MGAT4C: variants seen among roughly 807,000 people sequenced by gnomAD.
MGAT4C encodes the protein MGAT4 family member C.
In MGAT4C, 19 loss-of-function variants were observed where a neutral mutation model predicts 40.1. The ratio of observed to expected loss-of-function variants is 0.47; its 90% CI spans 0.33 to 0.70. MGAT4C has a LOEUF of 0.70. Among genes scored for constraint, MGAT4C ranks in the 30% least tolerant of loss-of-function variants. MGAT4C has a pLI of 0.02. For synonymous variants in MGAT4C, 181 were observed against 187.1 expected (o/e 0.97, Z 0.27); for missense variants, 491 against 563.2 (o/e 0.87, Z 1.30).
Position 86,443,807 on chromosome 12 carries a change from G to A in MGAT4C, c.-228-8542C>T, listed in dbSNP as rs576577887. Among the ~76,000 whole-genome samples the A allele has an allele frequency of 7.9e-5, 12 of 152,106 alleles. No homozygotes were observed. The East Asian group carries it at 1.2e-3, about 15-fold the overall frequency. On this transcript the variant is annotated intron_variant, in intron 2 of 7. Transcript: ENST00000548651. ...GACAGGGTTTCGCCTTGTTAGCCAG[G>A]ATGGTCTCAATCTCCTGACCTCGTG...
chr12:86,036,120 A>G (rs1188030336), intron 2 of MGAT4C, among the ~76,000 whole-genome samples: 1 of 149,904 alleles, frequency 6.7e-6, no homozygotes, highest in Non-Finnish European at 1.5e-5. Context: ...ATGAAAGTCA[A>G]TGGTCGCTTG....
intron 1 of MGAT4C, among the ~76,000 whole-genome samples, chr12:86,729,262 C>A (rs192486584): frequency 5.9e-5 from 9 of 152,144 alleles, no homozygotes; most frequent in Admixed American, 3.3e-4. Flanking sequence ...GTGATGGATA[C>A]CCCAGTTACC....
rs1254431762 is a variant in MGAT4C at position 86,091,752 on chromosome 12, A to G, written c.-56-42029T>C. ...TTGATACAAAGGTATGTTTCTGTAT[A>G]TCTCTTAACTCGATGGAGAGCCCTT... On this transcript the variant is annotated intron_variant, in intron 1 of 4. Transcript: ENST00000611864. Among the ~76,000 whole-genome samples the G allele has an allele frequency of 3.3e-5, 5 of 152,238 alleles. No homozygotes were observed. The East Asian group carries it at 9.6e-4, about 29-fold the overall frequency.
At chr12:86,595,039 T>A (rs1331181486) in intron 2 of MGAT4C, among the ~76,000 whole-genome samples, 1 of 152,144 alleles carries the variant, frequency 6.6e-6, no homozygotes, top group Non-Finnish European at 1.5e-5. Flanking sequence ...TTTAGTACAT[T>A]CTATTCCAGT....
intron 2 of MGAT4C, among the ~76,000 whole-genome samples, chr12:86,541,859 C>G (rs1959169441): frequency 1.3e-5 from 2 of 152,102 alleles, no homozygotes; most frequent in African/African-American, 4.8e-5. Flanking sequence ...TACAGGCATG[C>G]CAAATAAATT....
At position 85,979,443 on chromosome 12, in the gene MGAT4C, G is replaced by A; in HGVS notation, c.1283C>T (p.Thr428Ile). The A allele has an allele frequency of 6.2e-7, 1 of 1,613,274 alleles. No homozygotes were observed. Among genetic ancestry groups the A allele is most frequent in the Non-Finnish European group, 8.5e-7 (1 of 1,179,506 alleles). ...TTTGAATTCTCCTAGTCTTAAGTAA[G>A]TAGAACATTGTCTCCTTTGTTTGCT... ...MPSKQRRQCS[T>I]YLRLGEFKNG... is the part of the protein sequence containing the mutation. Residue 428 changes from threonine (T) to isoleucine (I), a missense_variant, in exon 5 of 5, where the codon ACT becomes ATT. By Grantham distance (89) the Thr-to-Ile change is moderately conservative. Transcript: ENST00000611864.
chr12:86,606,571 T>C (rs1210481776), intron 2 of MGAT4C, among the ~76,000 whole-genome samples: 1 of 152,150 alleles, frequency 6.6e-6, no homozygotes, highest in Non-Finnish European at 1.5e-5. Flanking sequence ...AATAAGCAGC[T>C]TGCTCTCCTG....
intron 2 of MGAT4C, among the ~76,000 whole-genome samples, chr12:86,587,352 G>T (rs543389243): frequency 6.6e-6 from 1 of 152,048 alleles, no homozygotes; most frequent in African/African-American, 2.4e-5. Context: ...TTTGGTTACT[G>T]TAGCCTTGTA....
intron 2 of MGAT4C, among the ~76,000 whole-genome samples, chr12:86,014,993 T>G (rs1259553069): frequency 2.7e-5 from 4 of 148,572 alleles, no homozygotes; most frequent in Non-Finnish European, 6.0e-5. Context: ...TTTTTTTTTT[T>G]GGAGAGGTGG....
At chr12:86,698,482 A>G (rs1950299570) in intron 2 of MGAT4C, among the ~76,000 whole-genome samples, 1 of 152,132 alleles carries the variant, frequency 6.6e-6, no homozygotes, top group South Asian at 2.1e-4. Flanking sequence ...GCTGTCTTAC[A>G]TCTCTAATGT....
At chr12:86,237,889 C>T (rs751148271) in intron 1 of MGAT4C, among the ~76,000 whole-genome samples, 3 of 151,854 alleles carry the variant, frequency 2.0e-5, no homozygotes, top group African/African-American at 4.8e-5. Context: ...AAATTTTCTT[C>T]GTTCATAATC....
intron 2 of MGAT4C, among the ~76,000 whole-genome samples, chr12:86,459,752 G>C (rs1471696686): frequency 7.4e-6 from 1 of 135,138 alleles, no homozygotes; most frequent in East Asian, 2.2e-4. Context: ...TCCTGGATCT[G>C]AGCAACTTGA....
chr12:86,716,305 G>A (rs541095577), intron 2 of MGAT4C, among the ~76,000 whole-genome samples: 1 of 152,094 alleles, frequency 6.6e-6, no homozygotes, highest in Non-Finnish European at 1.5e-5. Flanking sequence ...AACCATTTTG[G>A]TGGACAACAG....
chr12:86,224,658 G>A (rs1324046186), intron 1 of MGAT4C, among the ~76,000 whole-genome samples: 2 of 152,132 alleles, frequency 1.3e-5, no homozygotes, highest in African/African-American at 4.8e-5. Context: ...ACTTTGGAAA[G>A]TATACAAATA....
chr12:86,457,531 G>T (rs1345471352), intron 2 of MGAT4C, among the ~76,000 whole-genome samples: 2 of 152,026 alleles, frequency 1.3e-5, no homozygotes, highest in African/African-American at 2.4e-5. Context: ...GTTTACTGTT[G>T]TCTCTTTGCT....
intron 4 of MGAT4C, among the ~76,000 whole-genome samples, chr12:86,316,080 A>C (rs1954215953): frequency 1.2e-4 from 1 of 8,188 alleles, no homozygotes; most frequent in African/African-American, 7.7e-4. Flanking sequence ...TACAAGCAGC[A>C]AAAAAAAAAA....
intron 4 of MGAT4C, among the ~76,000 whole-genome samples, chr12:86,313,685 G>T (rs1954132395): frequency 6.6e-6 from 1 of 152,122 alleles, no homozygotes; most frequent in Non-Finnish European, 1.5e-5. Flanking sequence ...CTGTGACTAG[G>T]TTAACTAAAT....
chr12:86,747,180 G>A (rs1039683800), intron 1 of MGAT4C, among the ~76,000 whole-genome samples: 8 of 151,604 alleles, frequency 5.3e-5, no homozygotes, highest in African/African-American at 1.7e-4. Context: ...GATTAAATGA[G>A]TTAATGTATG....
intron 3 of MGAT4C, among the ~76,000 whole-genome samples, chr12:86,353,203 C>T (rs2136193640): frequency 6.6e-6 from 1 of 152,008 alleles, no homozygotes; most frequent in Admixed American, 6.6e-5. Flanking sequence ...ACAGTAAAGC[C>T]TCAAAACAAC....
Sources: gnomAD v4.1 joint callset for allele counts (sites outside exome capture counted in the v4.1 genomes callset) on GRCh38, gnomAD v4.1.1 for gene constraint, MANE v1.5 for transcripts, NCBI Gene and HGNC (gene_info 2026-07-23, HGNC 2026-07-21) for gene names.